The following LRBA variants were observed in gnomAD, a reference collection of about 807,000 sequenced individuals.
LRBA encodes the protein LPS responsive beige-like anchor protein.
A neutral mutation model predicts 330.0 loss-of-function variants in LRBA; 176 were observed. That is an observed-to-expected ratio of 0.53 (90% CI 0.47 to 0.60). The LOEUF (loss-of-function observed/expected upper bound fraction) is 0.60. LRBA is among the 20% of genes least tolerant of loss of function. The pLI is 0.00. For synonymous variants in LRBA, 1,230 were observed against 1,193.0 expected (o/e 1.03, Z -0.64); for missense variants, 3,259 against 3,444.8 (o/e 0.95, Z 1.35).
intron 35 of LRBA, among the ~76,000 whole-genome samples, chr4:150,752,298 C>T (rs902813413): frequency 3.3e-5 from 5 of 152,086 alleles, no homozygotes; most frequent in Non-Finnish European, 7.4e-5. Flanking sequence ...GTCTCTCACC[C>T]AGCACATCCA....
At chr4:150,557,099 T>C (rs1165129011) in intron 40 of LRBA, among the ~76,000 whole-genome samples, 1 of 152,122 alleles carries the variant, frequency 6.6e-6, no homozygotes, top group Non-Finnish European at 1.5e-5. Flanking sequence ...AGCTACAAGA[T>C]GAGCCTTGAG....
chr4:150,675,863 G>A (rs1004242375), intron 37 of LRBA, among the ~76,000 whole-genome samples: 1 of 152,020 alleles, frequency 6.6e-6, no homozygotes, highest in Non-Finnish European at 1.5e-5. Context: ...ATCTAGCCTA[G>A]ATATTAACAT....
intron 47 of LRBA, among the ~76,000 whole-genome samples, chr4:150,382,984 T>C (rs925332370): frequency 2.0e-5 from 3 of 152,208 alleles, no homozygotes; most frequent in Admixed American, 1.3e-4. Flanking sequence ...CCAAGATTAT[T>C]TGTTTATAAC....
At chr4:150,482,978 T>G (rs1408756651) in intron 42 of LRBA, among the ~76,000 whole-genome samples, 1 of 152,086 alleles carries the variant, frequency 6.6e-6, no homozygotes, top group Non-Finnish European at 1.5e-5. Context: ...TATTTTCATT[T>G]TCTTAAGAGT....
intron 37 of LRBA, among the ~76,000 whole-genome samples, chr4:150,644,665 T>C (rs1315540749): frequency 1.3e-5 from 2 of 151,974 alleles, no homozygotes; most frequent in African/African-American, 4.8e-5. Flanking sequence ...GTTCCATTGT[T>C]GTTTATTCAA....
At chr4:150,953,493 G>C (rs1009624917) in intron 2 of LRBA, among the ~76,000 whole-genome samples, 1 of 151,776 alleles carries the variant, frequency 6.6e-6, no homozygotes, top group African/African-American at 2.4e-5. Context: ...GCCTGGGAGT[G>C]CCTGGGATTG....
At position 150,350,016 on chromosome 4, in the gene LRBA, T is replaced by A. The variant is rs370640427; in HGVS notation, c.7338A>T (p.Ser2446=). Reference sequence around the variant, plus strand: ...CCTCTCTCAACACAGGATCAGTTATTGAATTCAGATTGACAGCTCCTTCAT... The same window carrying A: ...CCTCTCTCAACACAGGATCAGTTATAGAATTCAGATTGACAGCTCCTTCAT... ...LTYEGAVNLN[S]ITDPVLREAV... Residue 2446 remains serine (S), a synonymous_variant, in exon 48 of 57, where the codon TCA becomes TCT. Coordinates refer to ENST00000651943, the MANE Select transcript of LRBA (RefSeq NM_001364905.1). The A allele has an allele frequency of 1.9e-6, 3 of 1,613,796 alleles. No homozygotes were observed. The highest frequency in any genetic ancestry group is 2.5e-6 in the Non-Finnish European group (3 of 1,179,810).
chr4:150,373,153 G>GTA (rs1740678270), intron 47 of LRBA, among the ~76,000 whole-genome samples: 1 of 148,850 alleles, frequency 6.7e-6, no homozygotes, highest in Non-Finnish European at 1.5e-5. Context: ...GTGTGTGTGT[G>GTA]TGTGTGTGTG....
rs1771699484 is a variant in LRBA, at chr4:150,583,668, G to A, written c.6330+4380C>T. 6.2e-7 allele frequency: 1 copy of A among 1,613,990 alleles called. No individual in the cohort carries two copies. Among genetic ancestry groups the A allele is most frequent in the Non-Finnish European group, 8.5e-7 (1 of 1,180,014 alleles). ...CCGAAGGGTTCAACTTGCTCTCGAA[G>A]GAGTGCTACTCGCTGACCGGCAAGC... On this transcript the variant is annotated intron_variant, in intron 40 of 56. Coordinates refer to ENST00000651943, the MANE Select transcript of LRBA (RefSeq NM_001364905.1). This position sits in a 1 kb window ranked among gnomAD's most constrained non-coding sequence, Gnocchi z 9.8.
intron 37 of LRBA, among the ~76,000 whole-genome samples, chr4:150,650,619 T>C (rs918604839): frequency 4.6e-5 from 7 of 152,164 alleles, no homozygotes; most frequent in Non-Finnish European, 8.8e-5. Context: ...AACCCACTCA[T>C]GCTAGGACTT....
intron 20 of LRBA, among the ~76,000 whole-genome samples, chr4:150,869,174 G>A (rs955738270): frequency 2.6e-5 from 4 of 151,728 alleles, no homozygotes; most frequent in Non-Finnish European, 4.4e-5. Flanking sequence ...CTGCCTTGGC[G>A]TCCCAAAGTG....
chr4:150,912,488 A>G (rs1170811454), intron 9 of LRBA, among the ~76,000 whole-genome samples: 1 of 152,216 alleles, frequency 6.6e-6, no homozygotes, highest in Non-Finnish European at 1.5e-5. Context: ...TTTGTTTCCC[A>G]CTGATTCTAC....
chr4:150,847,502 T>G (rs1750005095), intron 26 of LRBA, among the ~76,000 whole-genome samples: 1 of 152,250 alleles, frequency 6.6e-6, no homozygotes, highest in African/African-American at 2.4e-5. Context: ...TTAGTTTATG[T>G]AACAGACATT....
chr4:150,453,943 T>C (rs1753710397), intron 44 of LRBA, among the ~76,000 whole-genome samples: 1 of 152,186 alleles, frequency 6.6e-6, no homozygotes, highest in African/African-American at 2.4e-5. Flanking sequence ...TGTGAATGTT[T>C]CGATCAAAAC....
At chr4:150,832,779 CT>C (rs1035599903) in intron 28 of LRBA, among the ~76,000 whole-genome samples, 1 of 151,750 alleles carries the variant, frequency 6.6e-6, no homozygotes, top group Non-Finnish European at 1.5e-5. Flanking sequence ...GGAATTCCTT[CT>C]TTTTTTTGAG....
chr4:150,785,169 G>A (rs1241190411), intron 34 of LRBA, among the ~76,000 whole-genome samples: 3 of 152,132 alleles, frequency 2.0e-5, no homozygotes, highest in Non-Finnish European at 4.4e-5. Flanking sequence ...TTGGATTGGG[G>A]ATGAAATCAT....
intron 2 of LRBA, among the ~76,000 whole-genome samples, chr4:150,976,636 A>C (rs905259613): frequency 2.0e-5 from 3 of 152,350 alleles, no homozygotes; most frequent in South Asian, 2.1e-4. Context: ...CGACAGAAAC[A>C]ACAAATTTAA....
chr4:150,653,407 T>A (rs1779892040), intron 37 of LRBA, among the ~76,000 whole-genome samples: 1 of 152,190 alleles, frequency 6.6e-6, no homozygotes, highest in Non-Finnish European at 1.5e-5. Context: ...TTCTTTTACT[T>A]TTAGACTGTC....
intron 2 of LRBA, among the ~76,000 whole-genome samples, chr4:150,940,312 G>A (rs1439821280): frequency 6.6e-6 from 1 of 151,976 alleles, no homozygotes; most frequent in Non-Finnish European, 1.5e-5. Flanking sequence ...TGAGGCAAGA[G>A]GACTGCCTGA....
Sources: gnomAD v4.1 joint callset for allele counts (sites outside exome capture counted in the v4.1 genomes callset) on GRCh38, gnomAD v4.1.1 for gene constraint, Gnocchi (gnomAD v3.1) non-coding constraint, MANE v1.5 for transcripts, NCBI Gene and HGNC (gene_info 2026-07-23, HGNC 2026-07-21) for gene names.